Variants in TARS3 observed in about 807,000 individuals in gnomAD.
TARS3 encodes threonyl-tRNA synthetase 3, also known as threonine--tRNA ligase 2, cytoplasmic.
A neutral mutation model predicts 103.5 loss-of-function variants in TARS3; 94 were observed. The observed-to-expected ratio is 0.91, with a 90% CI of 0.77 to 1.08. The LOEUF (loss-of-function observed/expected upper bound fraction) is 1.08, where lower values mean the gene tolerates loss of function less well. Among genes scored for constraint, TARS3 ranks in the 50% least tolerant of loss-of-function variants. The pLI is 0.00. For missense variants in TARS3, 952 were observed against 995.2 expected, an observed-to-expected ratio of 0.96 and a Z score of 0.58; for synonymous variants, 416 against 355.4, an observed-to-expected ratio of 1.17 and a Z score of -1.92.
chr15:101,703,965 A>T (rs368511298), intron 7 of TARS3, 28 bp from the exon 8 acceptor site: 2 of 1,513,290 alleles, frequency 1.3e-6, no homozygotes, highest in Non-Finnish European at 1.8e-6. Flanking sequence ...GGACATGCTC[A>T]GGCACAGTTA....
chr15:101,676,266 G>A (rs1567331130), intron 12 of TARS3, among the ~76,000 whole-genome samples: 1 of 152,172 alleles, frequency 6.6e-6, no homozygotes, highest in African/African-American at 2.4e-5. Context: ...GCAATGAAGG[G>A]TTTTTGTTTT....
chr15:101,656,685 T>C (rs759196523), intron 18 of TARS3, among the ~76,000 whole-genome samples: 4 of 152,310 alleles, frequency 2.6e-5, no homozygotes, highest in Admixed American at 6.5e-5. Flanking sequence ...ATATGAACTA[T>C]TGCTAGTAAA....
intron 10 of TARS3, among the ~76,000 whole-genome samples, chr15:101,690,197 C>T (rs1898653117): frequency 6.6e-6 from 1 of 152,220 alleles, no homozygotes; most frequent in South Asian, 2.1e-4. Context: ...CACTGCCTGT[C>T]TCGCCTCATC....
intron 7 of TARS3, among the ~76,000 whole-genome samples, chr15:101,704,926 A>T (rs1387632374): frequency 6.6e-6 from 1 of 152,184 alleles, no homozygotes; most frequent in Non-Finnish European, 1.5e-5. Flanking sequence ...AGTACAATTA[A>T]ACCAGAGAAC....
rs920848890 is a variant in TARS3, at chr15:101,653,618, T to G, written c.*964A>C. On this transcript the variant is annotated 3_prime_UTR_variant, in exon 19 of 19. Coordinates refer to ENST00000335968, the MANE Select transcript of TARS3 (RefSeq NM_152334.3). Reference sequence around the variant, plus strand: ...CAAGCCTGATATATATTGTTTTGTTTGCCAACTGTTTCACTGTTCACATCC... The same window carrying G: ...CAAGCCTGATATATATTGTTTTGTTGGCCAACTGTTTCACTGTTCACATCC... 3.9e-5 allele frequency: 6 copies of G among 152,280 alleles called. No individual in the cohort carries two copies. The highest frequency in any genetic ancestry group is 1.4e-4 in the African/African-American group (6 of 41,472). 9.4% of individuals were successfully genotyped at this position (152,280 alleles called of 1,614,324 possible). A position where few individuals can be genotyped will look rare whatever the true frequency, so the allele number is the denominator to read the frequency against.
Position 101,705,746 on chromosome 15 carries a change from T to C in TARS3, c.932A>G (p.Tyr311Cys). 1.2e-6 allele frequency: 2 copies of C among 1,603,088 alleles called. No homozygotes were observed. The highest frequency in any genetic ancestry group is 2.2e-5 in the South Asian group (2 of 89,858). The part of the protein sequence containing the change: ...SKEILLEMFK[Y>C]NKFKCRILNE... ...CAGAATGCGGCATTTAAATTTATTG[T>C]ACTACGAAGAAAAACATATTTACAC... The change falls in exon 7 of 19, where the codon TAC becomes TGC. Residue 311 changes from tyrosine to cysteine, a missense_variant and splice_region_variant. Tyr to Cys is a radical substitution (Grantham distance 194, BLOSUM62 -2). Coordinates refer to ENST00000335968, the MANE Select transcript of TARS3 (RefSeq NM_152334.3).
At chr15:101,714,748 C>A in intron 4 of TARS3, 92 bp downstream of exon 4, 1 of 1,209,480 alleles carries the variant, frequency 8.3e-7, no homozygotes, top group Non-Finnish European at 1.1e-6. Context: ...CCAAAAAACT[C>A]AACATTCGTG....
chr15:101,690,820 AGT>A (rs2141414158), intron 10 of TARS3, among the ~76,000 whole-genome samples: 1 of 152,278 alleles, frequency 6.6e-6, no homozygotes, highest in South Asian at 2.1e-4. Context: ...TATTGCTAGG[AGT>A]GTGCATTTTT....
At chr15:101,693,481 A>G (rs1304462545) in intron 10 of TARS3, among the ~76,000 whole-genome samples, 2 of 152,162 alleles carry the variant, frequency 1.3e-5, no homozygotes, top group East Asian at 3.8e-4. Context: ...GATTACTACA[A>G]TTCAAGGTGA....
chr15:101,661,805 T>G lies in TARS3; in HGVS notation c.1979A>C (p.Asp660Ala). 1 of 1,589,470 alleles carries G rather than the reference T, an allele frequency of 6.3e-7. No individual in the cohort carries two copies. The highest frequency in any genetic ancestry group is 1.2e-5 in the South Asian group (1 of 86,720). ...FNLTYVSKDG[D>A]DKKRPVIIHR... The stretch of plus-strand genomic sequence containing the variant: ...AATGATCACAGGTCTCTTCTTATCA[T>G]CCCCATCCTTACTAAAAAATGAAAA... The change falls in exon 16 of 19, where the codon GAT becomes GCT. Residue 660 changes from aspartate to alanine, a missense_variant. Coordinates refer to ENST00000335968, the MANE Select transcript of TARS3 (RefSeq NM_152334.3).
intron 3 of TARS3, among the ~76,000 whole-genome samples, chr15:101,715,845 G>C (rs985508497): frequency 1.4e-4 from 22 of 152,226 alleles, no homozygotes; most frequent in Admixed American, 3.3e-4. Flanking sequence ...CTAGATCAAA[G>C]GGGATGTACC....
intron 15 of TARS3, among the ~76,000 whole-genome samples, chr15:101,662,119 T>C (rs2141382071): frequency 6.6e-6 from 1 of 152,302 alleles, no homozygotes; most frequent in Admixed American, 6.5e-5. Flanking sequence ...TCTCATCTGA[T>C]CCAAATGCAC....
chr15:101,684,004 G>T, intron 12 of TARS3, 71 bp downstream of exon 12: 1 of 1,442,318 alleles, frequency 6.9e-7, no homozygotes, highest in Non-Finnish European at 9.3e-7. Context: ...AACTCTGAAA[G>T]AATACAAGAT....
chr15:101,700,936 C>G, intron 10 of TARS3, 150 bp downstream of exon 10: 1 of 545,620 alleles, frequency 1.8e-6, no homozygotes, highest in East Asian at 3.3e-5. Context: ...GCCACCGTGT[C>G]TGGCCAGTAT....
intron 15 of TARS3, among the ~76,000 whole-genome samples, chr15:101,669,083 T>C (rs1380526260): frequency 6.6e-6 from 1 of 152,194 alleles, no homozygotes; most frequent in Non-Finnish European, 1.5e-5. Flanking sequence ...GACAGCTCCA[T>C]GCGTGTACTG....
At chr15:101,721,401 C>T (rs1900452139) in intron 2 of TARS3, 79 bp from the exon 3 acceptor site, 1 of 1,059,974 alleles carries the variant, frequency 9.4e-7, no homozygotes, top group Admixed American at 2.1e-5. Flanking sequence ...ATCAGGCTCA[C>T]CCCCTTACTG....
intron 12 of TARS3, 90 bp downstream of exon 12, chr15:101,683,985 T>C (rs984763675): frequency 2.2e-6 from 3 of 1,336,538 alleles, no homozygotes; most frequent in African/African-American, 1.5e-5. Flanking sequence ...CAAACGTCTA[T>C]GTTTCAGTAA....
At chr15:101,675,575 A>T (rs201908273) in intron 13 of TARS3, 25 bp downstream of exon 13, 1 of 1,599,786 alleles carries the variant, frequency 6.3e-7, no homozygotes, top group African/African-American at 1.3e-5. Flanking sequence ...TAAAATGAAG[A>T]GGAAGCACAA....
chr15:101,716,303 A>C (rs1900155728), intron 3 of TARS3, among the ~76,000 whole-genome samples: 1 of 152,128 alleles, frequency 6.6e-6, no homozygotes, highest in Non-Finnish European at 1.5e-5. Flanking sequence ...TTATTGTTTG[A>C]AAATTGTTGA....
Sources: allele counts gnomAD v4.1 joint callset (sites outside exome capture counted in the v4.1 genomes callset), GRCh38; gene constraint gnomAD v4.1.1; transcripts MANE v1.5; gene names NCBI Gene and HGNC (gene_info 2026-07-23, HGNC 2026-07-21).